PDE4D: variants seen among roughly 807,000 people sequenced by gnomAD.
PDE4D encodes phosphodiesterase 4D.
A neutral mutation model predicts 87.4 loss-of-function variants in PDE4D; 24 were observed. That is an observed-to-expected ratio of 0.27 (90% CI 0.20 to 0.39). The LOEUF (loss-of-function observed/expected upper bound fraction) is 0.39. PDE4D is among the 10% of genes least tolerant of loss of function. PDE4D has a pLI of 1.00. For missense variants in PDE4D, 714 were observed against 1,041.0 expected, an observed-to-expected ratio of 0.69 and a Z score of 4.32; for synonymous variants, 384 against 383.2, an observed-to-expected ratio of 1.00 and a Z score of -0.02.
chr5:59,500,099 A>G (rs1249071081), intron 1 of PDE4D, among the ~76,000 whole-genome samples: 2 of 152,150 alleles, frequency 1.3e-5, no homozygotes, highest in African/African-American at 4.8e-5. Flanking sequence ...AAAAAAATCA[A>G]AAAGTAACAG....
chr5:59,344,378 G>A (rs925657751), intron 1 of PDE4D, among the ~76,000 whole-genome samples: 5 of 152,058 alleles, frequency 3.3e-5, no homozygotes, highest in African/African-American at 1.2e-4. Flanking sequence ...GATATGAATC[G>A]AGTGACTCTT....
intron 5 of PDE4D, among the ~76,000 whole-genome samples, chr5:59,101,232 A>G (rs957800518): frequency 1.3e-5 from 2 of 152,076 alleles, no homozygotes; most frequent in Non-Finnish European, 2.9e-5. Flanking sequence ...ACAATACACC[A>G]TGGGACTGCC....
chr5:59,221,685 C>A (rs153978), intron 1 of PDE4D, among the ~76,000 whole-genome samples: 61,774 of 151,870 alleles, frequency 0.41, 13,617 homozygotes, highest in African/African-American at 0.58. Context: ...AAATCCCCAG[C>A]TTTTTCCAAT....
intron 1 of PDE4D, among the ~76,000 whole-genome samples, chr5:59,584,219 G>C (rs1241083031): frequency 6.6e-6 from 1 of 152,146 alleles, no homozygotes; most frequent in Non-Finnish European, 1.5e-5. Context: ...GTACTGGAAG[G>C]GGAGGCTATA....
intron 1 of PDE4D, among the ~76,000 whole-genome samples, chr5:59,777,950 G>A (rs1764243597): frequency 6.6e-6 from 1 of 152,098 alleles, no homozygotes; most frequent in Admixed American, 6.5e-5. Context: ...CAGGTGTTGT[G>A]AATATCTATG....
At chr5:60,421,390 C>CAAAT (rs1743087177) in intron 1 of PDE4D, among the ~76,000 whole-genome samples, 1 of 152,184 alleles carries the variant, frequency 6.6e-6, no homozygotes, top group Non-Finnish European at 1.5e-5. Flanking sequence ...TGGTGATACC[C>CAAAT]AGGCAAATAG....
At chr5:59,486,833 T>C (rs1455340188) in intron 1 of PDE4D, among the ~76,000 whole-genome samples, 1 of 152,206 alleles carries the variant, frequency 6.6e-6, no homozygotes, top group Non-Finnish European at 1.5e-5. Flanking sequence ...TGAAAAATAC[T>C]AGGTTTTTAT....
chr5:60,194,985 A>G (rs1451033376), intron 1 of PDE4D, among the ~76,000 whole-genome samples: 1 of 151,376 alleles, frequency 6.6e-6, no homozygotes, highest in South Asian at 2.1e-4. Flanking sequence ...GCATTGTTTC[A>G]CTCACTTGCT....
At chr5:59,303,889 A>T (rs11955452) in intron 1 of PDE4D, among the ~76,000 whole-genome samples, 24,365 of 151,914 alleles carry the variant, frequency 0.16, 2,404 homozygotes, top group African/African-American at 0.27. Context: ...TTTTGGTTCC[A>T]TCTGAGTTTT....
At chr5:59,124,723 A>G (rs148366728) in intron 5 of PDE4D, among the ~76,000 whole-genome samples, 2 of 152,348 alleles carry the variant, frequency 1.3e-5, no homozygotes, top group African/African-American at 4.8e-5. Flanking sequence ...GTTTGTGAAT[A>G]AGAACATATA....
chr5:59,038,637 T>A (rs1758988148), intron 6 of PDE4D, among the ~76,000 whole-genome samples: 1 of 152,204 alleles, frequency 6.6e-6, no homozygotes, highest in Non-Finnish European at 1.5e-5. Context: ...TGGGAGATAC[T>A]TAAATTTAGC....
intron 1 of PDE4D, among the ~76,000 whole-genome samples, chr5:59,290,127 T>C (rs1390000470): frequency 6.6e-6 from 1 of 151,842 alleles, no homozygotes; most frequent in Non-Finnish European, 1.5e-5. Flanking sequence ...GTAGTCCCTA[T>C]AAAAATACCA....
intron 1 of PDE4D, among the ~76,000 whole-genome samples, chr5:59,337,083 G>A (rs1256316121): frequency 6.6e-6 from 1 of 152,180 alleles, no homozygotes; most frequent in East Asian, 1.9e-4. Context: ...TGGCTTTGAT[G>A]AGGAAAAGTG....
Position 59,930,621 on chromosome 5 carries a change from C to A in PDE4D, c.272+57867G>T, listed in dbSNP as rs527923203. On this transcript the variant is annotated intron_variant, in intron 3 of 16. Coordinates refer to the PDE4D transcript ENST00000502484. ...AGCTTACAGTCATTTGTTAAAGAATCCTTAGGAAACTAATATAGAATCAAT... is the reference window on the plus strand; with the variant it reads ...AGCTTACAGTCATTTGTTAAAGAATACTTAGGAAACTAATATAGAATCAAT... Among the ~76,000 whole-genome samples the A allele has an allele frequency of 2.6e-5, 4 of 152,276 alleles. No individual in the cohort carries two copies. The South Asian group carries it at 8.3e-4, about 32-fold the overall frequency.
intron 1 of PDE4D, among the ~76,000 whole-genome samples, chr5:59,822,376 A>G (rs960777883): frequency 3.3e-5 from 5 of 152,180 alleles, no homozygotes; most frequent in African/African-American, 4.8e-5. Context: ...CAGTGAAGGT[A>G]GATAGATTAA....
rs376099242 is a variant in PDE4D at position 60,296,012 on chromosome 5, G to T, written c.-89-110325C>A. Among the ~76,000 whole-genome samples, 149 of 152,268 alleles carry T rather than the reference G, an allele frequency of 9.8e-4. 1 individual carries two copies. The highest frequency in any genetic ancestry group is 3.5e-3 in the African/African-American group (145 of 41,540). ...ATCATAGATGGCACCTTCTCACGGTGTCCTCACATGGTGGAAGAGTTAACG... is the reference window on the plus strand; with the variant it reads ...ATCATAGATGGCACCTTCTCACGGTTTCCTCACATGGTGGAAGAGTTAACG... On this transcript the variant is annotated intron_variant, in intron 1 of 16. Transcript: ENST00000502484.
chr5:60,390,659 A>G (rs1488179178), intron 1 of PDE4D, among the ~76,000 whole-genome samples: 1 of 152,014 alleles, frequency 6.6e-6, no homozygotes, highest in East Asian at 1.9e-4. Context: ...AAAAAAAAAA[A>G]AAACAAGAAC....
At chr5:59,375,111 C>A (rs768278999) in intron 1 of PDE4D, among the ~76,000 whole-genome samples, 1 of 152,088 alleles carries the variant, frequency 6.6e-6, no homozygotes, top group Non-Finnish European at 1.5e-5. Flanking sequence ...AGCCTAACAT[C>A]ACAACTAAAA....
At chr5:60,408,385 T>C (rs1231939751) in intron 1 of PDE4D, among the ~76,000 whole-genome samples, 1 of 152,242 alleles carries the variant, frequency 6.6e-6, no homozygotes, top group Non-Finnish European at 1.5e-5. Context: ...CACTTGGGTG[T>C]GGCCCTAAAA....
Sources: gnomAD v4.1 joint callset for allele counts (sites outside exome capture counted in the v4.1 genomes callset) on GRCh38, gnomAD v4.1.1 for gene constraint, MANE v1.5 for transcripts, NCBI Gene and HGNC (gene_info 2026-07-23, HGNC 2026-07-21) for gene names.